The following CTNNA2 variants were observed in gnomAD, a reference collection of about 807,000 sequenced individuals.
The protein encoded by CTNNA2 is catenin alpha 2, also known as catenin alpha-2.
CTNNA2 carries 42 observed loss-of-function variants against 101.0 expected under a neutral mutation model. The ratio of observed to expected loss-of-function variants is 0.42; its 90% confidence interval spans 0.32 to 0.54. The LOEUF is 0.54. Among genes scored for constraint, CTNNA2 ranks in the 20% least tolerant of loss-of-function variants. The probability of loss-of-function intolerance (pLI) is 0.14; values close to 1 mark genes in which losing one functional copy is unlikely to be tolerated. For missense variants in CTNNA2, 871 were observed against 1,223.1 expected, an observed-to-expected ratio of 0.71 and a Z score of 4.29; for synonymous variants, 450 against 456.4, an observed-to-expected ratio of 0.99 and a Z score of 0.18.
chr2:79,464,633 T>C (rs1670914645), intron 4 of CTNNA2, among the ~76,000 whole-genome samples: 1 of 152,162 alleles, frequency 6.6e-6, no homozygotes, highest in Admixed American at 6.5e-5. Context: ...CTCCACATCC[T>C]CTCCAGCACC....
At chr2:79,575,995 C>T (rs1675769226) in intron 1 of CTNNA2, among the ~76,000 whole-genome samples, 1 of 152,204 alleles carries the variant, frequency 6.6e-6, no homozygotes, top group Admixed American at 6.5e-5. Context: ...GCGGTTAGCC[C>T]AGTGACTGGC....
At position 80,302,200 on chromosome 2, in the gene CTNNA2, C is replaced by T. The variant is rs1397524847; in HGVS notation, c.1057-91011C>T. ...CAGCCTGGTGCCCGCCGGCCCGTCC[C>T]GGCTGCCCAGGCGTATTTGGTAGCG... is the stretch of plus-strand genomic sequence containing the variant. On this transcript the variant is annotated intron_variant, in intron 7 of 18. Coordinates refer to ENST00000402739, the MANE Select transcript of CTNNA2 (RefSeq NM_001282597.3). The surrounding 1 kb of genome is among the most constrained non-coding windows in gnomAD (Gnocchi z 6.4). 112 of 1,571,936 alleles carry T rather than the reference C, an allele frequency of 7.1e-5. 1 individual carries two copies. The highest frequency in any genetic ancestry group is 9.7e-5 in the Non-Finnish European group (112 of 1,158,520).
intron 17 of CTNNA2, among the ~76,000 whole-genome samples, chr2:80,608,854 T>G (rs1698236147): frequency 6.6e-6 from 1 of 152,032 alleles, no homozygotes; most frequent in South Asian, 2.1e-4. Flanking sequence ...CTAACATAAT[T>G]GTCGAACACT....
intron 1 of CTNNA2, among the ~76,000 whole-genome samples, chr2:79,608,801 A>C (rs1023262935): frequency 2.6e-5 from 4 of 152,066 alleles, no homozygotes; most frequent in Non-Finnish European, 5.9e-5. Context: ...TATAAACTTA[A>C]TGTTAAAAGA....
intron 7 of CTNNA2, among the ~76,000 whole-genome samples, chr2:80,334,328 C>T (rs971260958): frequency 1.3e-5 from 2 of 152,180 alleles, no homozygotes; most frequent in Non-Finnish European, 2.9e-5. Context: ...TATCCCAAAT[C>T]TGGGCATATC....
At position 80,139,475 on chromosome 2, in the gene CTNNA2, T is replaced by A. The variant is rs1387822967; in HGVS notation, c.1056+229678T>A. Among the ~76,000 whole-genome samples the A allele has an allele frequency of 5.3e-5, 8 of 152,172 alleles. No homozygotes were observed. The East Asian group carries it at 1.5e-3, about 29-fold the overall frequency. ...TCTGTACATCACAACACCAAGATTT[T>A]ACTGCTTAGGATCTGTCTGTAAAGG... On this transcript the variant is annotated intron_variant, in intron 7 of 18. Coordinates refer to ENST00000402739, the MANE Select transcript of CTNNA2 (RefSeq NM_001282597.3).
chr2:80,443,213 G>T (rs928860090), intron 9 of CTNNA2, among the ~76,000 whole-genome samples: 1 of 152,172 alleles, frequency 6.6e-6, no homozygotes, highest in Non-Finnish European at 1.5e-5. Context: ...TTATAAGATT[G>T]TAAGACAATG....
Position 80,302,147 on chromosome 2 carries a change from G to C in CTNNA2, c.1057-91064G>C, listed in dbSNP as rs1676378809. On this transcript the variant is annotated intron_variant, in intron 7 of 18. Coordinates refer to ENST00000402739, the MANE Select transcript of CTNNA2 (RefSeq NM_001282597.3). The surrounding 1 kb of genome is among the most constrained non-coding windows in gnomAD (Gnocchi z 6.4). ...ATCCCCTTAAAGTTTCAGTCAAGGA[G>C]CATATCAGAGCACAGACAAGGAGAC... 1.4e-5 allele frequency: 19 copies of C among 1,394,340 alleles called. No individual in the cohort carries two copies. Among genetic ancestry groups the C allele is most frequent in the Non-Finnish European group, 1.7e-5 (18 of 1,037,422 alleles). The allele number at this position is 1,394,340 out of a possible 1,614,324, so 86.4% of individuals were successfully genotyped here.
At chr2:79,625,696 T>C (rs1434211149) in intron 1 of CTNNA2, among the ~76,000 whole-genome samples, 1 of 152,102 alleles carries the variant, frequency 6.6e-6, no homozygotes, top group African/African-American at 2.4e-5. Context: ...GACTCCAGGC[T>C]CTTGCTCCTG....
chr2:79,510,295 T>A (rs143983712), upstream of CTNNA2, among the ~76,000 whole-genome samples: 698 of 152,210 alleles, frequency 4.6e-3, 7 homozygotes, highest in African/African-American at 0.016. Flanking sequence ...AGGACAACAC[T>A]TAAATCAAGA....
chr2:80,063,817 T>A (rs1443978382), intron 7 of CTNNA2, among the ~76,000 whole-genome samples: 1 of 152,236 alleles, frequency 6.6e-6, no homozygotes. Context: ...CATCCCAGGA[T>A]AATAGACTAT....
chr2:80,640,037 G>A (rs12992410), intron 18 of CTNNA2, among the ~76,000 whole-genome samples: 42,666 of 151,956 alleles, frequency 0.28, 7,330 homozygotes, highest in East Asian at 0.44. Flanking sequence ...GGTAGGCGGA[G>A]GTTGCAGTGA....
At chr2:79,894,447 G>C (rs148308737) in intron 6 of CTNNA2, among the ~76,000 whole-genome samples, 122 of 151,214 alleles carry the variant, frequency 8.1e-4, no homozygotes, top group African/African-American at 2.6e-3. Flanking sequence ...CAACTTTAAA[G>C]CTCTTAGCAC....
intron 4 of CTNNA2, among the ~76,000 whole-genome samples, chr2:79,497,642 G>A (rs574333702): frequency 6.6e-6 from 1 of 152,240 alleles, no homozygotes; most frequent in East Asian, 1.9e-4. Flanking sequence ...AGTGAAGATA[G>A]GGTATCTTCC....
chr2:80,359,328 C>T (rs1674156238), intron 7 of CTNNA2, among the ~76,000 whole-genome samples: 1 of 152,178 alleles, frequency 6.6e-6, no homozygotes, highest in African/African-American at 2.4e-5. Flanking sequence ...GACTCTGGTT[C>T]TACTGAGCTT....
At chr2:80,432,225 T>C (rs1681604482) in intron 9 of CTNNA2, among the ~76,000 whole-genome samples, 2 of 152,156 alleles carry the variant, frequency 1.3e-5, no homozygotes, top group African/African-American at 4.8e-5. Context: ...ACATTCTCTG[T>C]CCCTCAAAGC....
intron 7 of CTNNA2, among the ~76,000 whole-genome samples, chr2:79,948,840 T>C (rs902855827): frequency 3.6e-4 from 55 of 152,128 alleles, no homozygotes; most frequent in African/African-American, 1.1e-3. Flanking sequence ...TGGTGACGGG[T>C]GCCTGTAGTC....
intron 7 of CTNNA2, among the ~76,000 whole-genome samples, chr2:79,977,777 T>C (rs1399616056): frequency 6.6e-6 from 1 of 152,160 alleles, no homozygotes; most frequent in East Asian, 1.9e-4. Context: ...TTATTTTTTC[T>C]TTCATTTTGT....
intron 6 of CTNNA2, among the ~76,000 whole-genome samples, chr2:79,883,746 T>C (rs1401933782): frequency 6.6e-6 from 1 of 152,208 alleles, no homozygotes; most frequent in African/African-American, 2.4e-5. Context: ...GTTTTTGGAA[T>C]CTTGTTTTGT....
Sources: gnomAD v4.1 joint callset for allele counts (sites outside exome capture counted in the v4.1 genomes callset) on GRCh38, gnomAD v4.1.1 for gene constraint, Gnocchi (gnomAD v3.1) non-coding constraint, MANE v1.5 for transcripts, NCBI Gene and HGNC (gene_info 2026-07-23, HGNC 2026-07-21) for gene names.